Variants in ZBBX observed in about 807,000 individuals in gnomAD.
ZBBX encodes zinc finger B-box domain-containing protein 1.
A neutral mutation model predicts 108.5 loss-of-function variants in ZBBX; 101 were observed. The ratio of observed to expected loss-of-function variants is 0.93; its 90% confidence interval spans 0.79 to 1.10. The LOEUF (loss-of-function observed/expected upper bound fraction) is 1.10. ZBBX is among the 50% of genes least tolerant of loss of function. The probability of loss-of-function intolerance (pLI) is 0.00; values close to 1 mark genes in which losing one functional copy is unlikely to be tolerated. For synonymous variants in ZBBX, 356 were observed against 323.4 expected, an observed-to-expected ratio of 1.10 and a Z score of -1.08; for missense variants, 1,009 against 941.4, an observed-to-expected ratio of 1.07 and a Z score of -0.94.
At chr3:167,224,351 A>G in the ZBBX span, among the ~76,000 whole-genome samples, 1 of 151,976 alleles carries the variant, frequency 6.6e-6, no homozygotes, top group South Asian at 2.1e-4. Context: ...ATACAAAATT[A>G]CAGTTAGATA....
upstream of ZBBX, among the ~76,000 whole-genome samples, chr3:167,384,902 C>T (rs1470161907): frequency 1.3e-5 from 2 of 152,038 alleles, no homozygotes; most frequent in East Asian, 1.9e-4. Context: ...GTCATTGAAG[C>T]TTGCATTGCC....
At chr3:167,289,637 C>T (rs986887631) in intron 18 of ZBBX, among the ~76,000 whole-genome samples, 5 of 152,196 alleles carry the variant, frequency 3.3e-5, no homozygotes, top group East Asian at 1.9e-4. Context: ...GCCTACACCA[C>T]CAGGGACCTT....
At chr3:167,361,542 T>C (rs1744507173) in intron 6 of ZBBX, among the ~76,000 whole-genome samples, 1 of 152,148 alleles carries the variant, frequency 6.6e-6, no homozygotes, top group Non-Finnish European at 1.5e-5. Flanking sequence ...CCTCTATATC[T>C]ATGGCTGTAG....
At chr3:167,394,221 A>T (rs1369881976) in intron 1 of ZBBX, among the ~76,000 whole-genome samples, 1 of 151,904 alleles carries the variant, frequency 6.6e-6, no homozygotes. Flanking sequence ...TTGTACCATA[A>T]CTGAACGTTT....
the ZBBX span, among the ~76,000 whole-genome samples, chr3:167,182,085 T>C: frequency 1.3e-5 from 2 of 152,126 alleles, no homozygotes; most frequent in Non-Finnish European, 2.9e-5. Context: ...GACTCAGCAG[T>C]TTTCTTTTTC....
the ZBBX span, among the ~76,000 whole-genome samples, chr3:167,233,597 C>T: frequency 1.3e-5 from 2 of 151,736 alleles, no homozygotes; most frequent in African/African-American, 2.4e-5. Flanking sequence ...TTCCATGGTT[C>T]CTCTTCTGAG....
intron 1 of ZBBX, among the ~76,000 whole-genome samples, chr3:167,398,159 A>C (rs187764624): frequency 7.9e-5 from 12 of 152,178 alleles, no homozygotes; most frequent in African/African-American, 2.6e-4. Context: ...GAATCTCTAC[A>C]ATGGAAAACT....
chr3:167,333,502 A>G (rs1000337179), intron 10 of ZBBX, among the ~76,000 whole-genome samples: 1 of 152,162 alleles, frequency 6.6e-6, no homozygotes, highest in Non-Finnish European at 1.5e-5. Flanking sequence ...CCTGACTAAT[A>G]TAAAATTGTT....
At chr3:167,201,859 G>A in the ZBBX span, among the ~76,000 whole-genome samples, 1 of 152,002 alleles carries the variant, frequency 6.6e-6, no homozygotes, top group African/African-American at 2.4e-5. Context: ...GAAATTTCTT[G>A]TTCTCTTTAT....
At chr3:167,326,464 C>T (rs1056819532) in intron 11 of ZBBX, among the ~76,000 whole-genome samples, 2 of 152,042 alleles carry the variant, frequency 1.3e-5, no homozygotes, top group East Asian at 1.9e-4. Context: ...TTTTATCATA[C>T]AGTTATTTCC....
At chr3:167,387,494 T>C (rs1043342084) in intron 1 of ZBBX, among the ~76,000 whole-genome samples, 3 of 152,028 alleles carry the variant, frequency 2.0e-5, no homozygotes, top group Non-Finnish European at 4.4e-5. Flanking sequence ...AACATCATAC[T>C]GGTATGGAGC....
chr3:167,330,815 GAGAAGC>G lies in ZBBX; in HGVS notation c.688-2705_688-2700del, dbSNP rs1223806060. Among the ~76,000 whole-genome samples, 317 of 139,696 alleles carry G rather than the reference GAGAAGC, an allele frequency of 2.3e-3. 8 individuals are homozygous for G. The highest frequency in any genetic ancestry group is 2.9e-3 in the South Asian group (12 of 4,144). The allele number at this position is 139,696 out of a possible 152,430, so 91.6% of individuals were successfully genotyped here. A position where few individuals can be genotyped will look rare whatever the true frequency, so the allele number is the denominator to read the frequency against. On this transcript the variant is annotated intron_variant, in intron 10 of 21. Coordinates refer to ENST00000675490, the MANE Select transcript of ZBBX (RefSeq NM_001199201.2). ...AAAGAAGAAGAAGAAGAAGGAGGAG[GAGAAGC>G]AGAAGCAGAAGTAGAAGAGGAAGAG...
At chr3:167,298,109 A>C (rs1010355913) in intron 18 of ZBBX, among the ~76,000 whole-genome samples, 196 bp downstream of exon 18, 2 of 152,052 alleles carry the variant, frequency 1.3e-5, no homozygotes, top group African/African-American at 4.8e-5. Flanking sequence ...AATGCTAAAA[A>C]ATCTTTCCTA....
intron 20 of ZBBX, among the ~76,000 whole-genome samples, chr3:167,261,824 C>A (rs530282997): frequency 6.6e-6 from 1 of 151,678 alleles, no homozygotes; most frequent in South Asian, 2.1e-4. Context: ...TTGGTTCTTC[C>A]CCTACCTGTG....
At chr3:167,215,952 A>G in the ZBBX span, among the ~76,000 whole-genome samples, 1 of 152,204 alleles carries the variant, frequency 6.6e-6, no homozygotes, top group African/African-American at 2.4e-5. Context: ...AAAACTCTCA[A>G]TAAACTAGGT....
chr3:167,360,887 T>G (rs1434275877), intron 6 of ZBBX, among the ~76,000 whole-genome samples, 164 bp from the exon 7 acceptor site: 1 of 151,910 alleles, frequency 6.6e-6, no homozygotes, highest in Non-Finnish European at 1.5e-5. Context: ...AAAGCATATA[T>G]GTACCTTTTA....
the ZBBX span, among the ~76,000 whole-genome samples, chr3:167,201,051 T>G: frequency 0.013 from 2,027 of 152,290 alleles, 22 homozygotes; most frequent in South Asian, 0.026. Flanking sequence ...GTTCTCAAAC[T>G]TCTTTATGCT....
chr3:167,317,336 AGT>A, intron 13 of ZBBX, 150 bp downstream of exon 13: 1 of 651,116 alleles, frequency 1.5e-6, no homozygotes, highest in South Asian at 2.4e-5. Flanking sequence ...GAAAGAAGTG[AGT>A]GTACATGATT....
chr3:167,194,615 T>C, the ZBBX span, among the ~76,000 whole-genome samples: 1 of 152,188 alleles, frequency 6.6e-6, no homozygotes, highest in South Asian at 2.1e-4. Flanking sequence ...AATGACAAAA[T>C]TCTGGGGGCT....
Sources: gnomAD v4.1 joint callset for allele counts (sites outside exome capture counted in the v4.1 genomes callset) on GRCh38, gnomAD v4.1.1 for gene constraint, MANE v1.5 for transcripts, NCBI Gene and HGNC (gene_info 2026-07-23, HGNC 2026-07-21) for gene names.